Variants in HSPA4 observed in about 807,000 individuals in gnomAD.
HSPA4 encodes heat shock protein family A (Hsp70) member 4, also known as heat shock 70 kDa protein 4.
HSPA4 carries 25 observed loss-of-function variants against 106.2 expected under a neutral mutation model. The ratio of observed to expected loss-of-function variants is 0.24; its 90% confidence interval spans 0.17 to 0.33. The LOEUF is 0.33. HSPA4 is among the 10% of genes least tolerant of loss of function. The pLI, the probability that HSPA4 is intolerant of heterozygous loss-of-function variation, is 1.00. For missense variants in HSPA4, 841 were observed against 996.0 expected, an observed-to-expected ratio of 0.84 and a Z score of 2.10; for synonymous variants, 332 against 333.6, an observed-to-expected ratio of 1.00 and a Z score of 0.05.
chr5:133,098,264 G>T (rs1765739580), intron 15 of HSPA4, among the ~76,000 whole-genome samples: 1 of 152,036 alleles, frequency 6.6e-6, no homozygotes, highest in Admixed American at 6.5e-5. Context: ...TGACTCAGTA[G>T]TATTCCATGG....
chr5:133,069,176 C>G (rs1561578148), intron 3 of HSPA4, among the ~76,000 whole-genome samples: 1 of 152,062 alleles, frequency 6.6e-6, no homozygotes, highest in Non-Finnish European at 1.5e-5. Context: ...AAATTCGTAA[C>G]TGTTATCACA....
chr5:133,071,721 AGTCTGTT>A (rs1338834885), intron 4 of HSPA4, among the ~76,000 whole-genome samples: 3 of 152,194 alleles, frequency 2.0e-5, no homozygotes, highest in Non-Finnish European at 4.4e-5. Context: ...TTCACCCCAG[AGTCTGTT>A]GCCTGGCGGA....
intron 1 of HSPA4, among the ~76,000 whole-genome samples, chr5:133,061,557 C>G (rs892678344): frequency 1.3e-5 from 2 of 152,082 alleles, no homozygotes; most frequent in Admixed American, 6.6e-5. Flanking sequence ...TAATGTAATT[C>G]GGTTTGTGGT....
At chr5:133,091,953 G>A (rs77344374) in intron 12 of HSPA4, among the ~76,000 whole-genome samples, 3,326 of 152,250 alleles carry the variant, frequency 0.022, 108 homozygotes, top group African/African-American at 0.075. Context: ...GGAGGCTGAG[G>A]CAGGAGGATT....
chr5:133,102,423 T>C (rs1277640199), intron 17 of HSPA4, among the ~76,000 whole-genome samples: 1 of 152,254 alleles, frequency 6.6e-6, no homozygotes, highest in Non-Finnish European at 1.5e-5. Context: ...CAGTTTCCTT[T>C]TCGTTGGTGT....
chr5:133,055,405 T>A (rs1561574578), intron 1 of HSPA4, among the ~76,000 whole-genome samples: 1 of 149,128 alleles, frequency 6.7e-6, no homozygotes, highest in Non-Finnish European at 1.5e-5. Flanking sequence ...GTGGGTTTGT[T>A]TTAACATGAG....
chr5:133,092,571 G>A, intron 12 of HSPA4, 129 bp from the exon 13 acceptor site: 1 of 683,386 alleles, frequency 1.5e-6, no homozygotes, highest in Non-Finnish European at 2.6e-6. Flanking sequence ...GGCCTACCTG[G>A]AATTTTAGCA....
chr5:133,088,349 G>C (rs1181408987), intron 8 of HSPA4, 55 bp from the exon 9 acceptor site: 21 of 1,260,818 alleles, frequency 1.7e-5, no homozygotes, highest in Middle Eastern at 1.9e-4. Flanking sequence ...ATCATGGTAA[G>C]ATGTTATTGT....
chr5:133,077,683 G>C (rs1396107335), intron 7 of HSPA4, among the ~76,000 whole-genome samples: 1 of 152,178 alleles, frequency 6.6e-6, no homozygotes, highest in Non-Finnish European at 1.5e-5. Flanking sequence ...TCAGTTGCTT[G>C]GATGATGGGA....
chr5:133,105,987 C>T lies in HSPA4; in HGVS notation c.*1551C>T, dbSNP rs1765852642. 6.6e-6 allele frequency: 1 copy of T among 151,418 alleles called. No individual in the cohort carries two copies. Among genetic ancestry groups the T allele is most frequent in the African/African-American group, 2.4e-5 (1 of 41,092 alleles). The allele number at this position is 151,418 out of a possible 1,614,324, so 9.4% of individuals were successfully genotyped here. A position where few individuals can be genotyped will look rare whatever the true frequency, so the allele number is the denominator to read the frequency against. ...CTCTACCTGTCATGCTTCAAGAGTT[C>T]CAGCTGGCCTGCTGTGAAGCCAGTA... On this transcript the variant is annotated 3_prime_UTR_variant, in exon 19 of 19. Coordinates refer to ENST00000304858, the MANE Select transcript of HSPA4 (RefSeq NM_002154.4).
At chr5:133,087,891 T>C (rs1246012455) in intron 8 of HSPA4, among the ~76,000 whole-genome samples, 1 of 152,228 alleles carries the variant, frequency 6.6e-6, no homozygotes, top group East Asian at 1.9e-4. Context: ...CCTAAAGTAC[T>C]GGGATTACAA....
At chr5:133,088,379 A>T in intron 8 of HSPA4, 25 bp from the exon 9 acceptor site, 3 of 1,501,092 alleles carry the variant, frequency 2.0e-6, no homozygotes, top group South Asian at 2.3e-5. Flanking sequence ...TCATTAAAAA[A>T]ATCTGTCTAA....
chr5:133,058,909 C>T (rs1268043626), intron 1 of HSPA4, among the ~76,000 whole-genome samples: 1 of 151,962 alleles, frequency 6.6e-6, no homozygotes, highest in East Asian at 1.9e-4. Flanking sequence ...GGGCAAATCC[C>T]CTGAGGCCAG....
intron 3 of HSPA4, 110 bp from the exon 4 acceptor site, chr5:133,070,264 T>G: frequency 6.3e-5 from 68 of 1,075,022 alleles, no homozygotes; most frequent in East Asian, 2.5e-4. Flanking sequence ...AATCCCCTCT[T>G]GAGATAATGT....
At chr5:133,086,089 G>A (rs1244531828) in intron 7 of HSPA4, among the ~76,000 whole-genome samples, 2 of 152,168 alleles carry the variant, frequency 1.3e-5, no homozygotes, top group Non-Finnish European at 2.9e-5. Flanking sequence ...TGTAGACCCA[G>A]CTACTTGGGA....
intron 8 of HSPA4, among the ~76,000 whole-genome samples, chr5:133,087,786 G>T (rs1262678358): frequency 6.6e-6 from 1 of 152,084 alleles, no homozygotes; most frequent in Non-Finnish European, 1.5e-5. Flanking sequence ...ACTACTTCTG[G>T]CTAATTTTTG....
In HSPA4 at chr5:133,096,202, A is replaced by G. The variant is rs557382995; in HGVS notation, c.1755A>G (p.Leu585=). The G allele has an allele frequency of 1.9e-6, 3 of 1,613,958 alleles. No individual in the cohort carries two copies. Among genetic ancestry groups the G allele is most frequent in the South Asian group, 1.1e-5 (1 of 91,072 alleles). ...TGGACCTGCCAATCGAGAATCAGCTATTATGGCAGATAGACAGAGAGATGC... is the reference window on the plus strand; with the variant it reads ...TGGACCTGCCAATCGAGAATCAGCTGTTATGGCAGATAGACAGAGAGATGC... ...STVDLPIENQ[L]LWQIDREMLN... The change falls in exon 14 of 19, where the codon CTA becomes CTG. Residue 585 remains leucine, a synonymous_variant. Transcript: ENST00000304858.
intron 1 of HSPA4, among the ~76,000 whole-genome samples, chr5:133,063,258 G>A (rs1451246767): frequency 6.6e-6 from 1 of 151,360 alleles, no homozygotes. Flanking sequence ...GATTACAGGT[G>A]CTCACCACCA....
At chr5:133,092,818 T>C (rs775472458) in intron 13 of HSPA4, 29 bp downstream of exon 13, 123,950 of 979,188 alleles carry the variant, frequency 0.13, 8,416 homozygotes, top group African/African-American at 0.14. Context: ...TTTTTTTTTT[T>C]TTTTTTTTTT....
Sources: gnomAD v4.1 joint callset for allele counts (sites outside exome capture counted in the v4.1 genomes callset) on GRCh38, gnomAD v4.1.1 for gene constraint, MANE v1.5 for transcripts, NCBI Gene and HGNC (gene_info 2026-07-23, HGNC 2026-07-21) for gene names.